DLGAP1: variants seen among roughly 807,000 people sequenced by gnomAD.
DLGAP1 encodes the protein disks large-associated protein 1.
A neutral mutation model predicts 90.8 loss-of-function variants in DLGAP1; 11 were observed. That is an observed-to-expected ratio of 0.12 (90% CI 0.08 to 0.20). The LOEUF (loss-of-function observed/expected upper bound fraction) is 0.20, where lower values mean the gene tolerates loss of function less well. Among genes scored for constraint, DLGAP1 ranks in the 10% least tolerant of loss-of-function variants. The pLI is 1.00. For missense variants in DLGAP1, 1,050 were observed against 1,333.8 expected (o/e 0.79, Z 3.31); for synonymous variants, 558 against 540.7 (o/e 1.03, Z -0.44).
At chr18:3,921,877 C>T (rs1009240136) in intron 3 of DLGAP1, among the ~76,000 whole-genome samples, 1 of 152,060 alleles carries the variant, frequency 6.6e-6, no homozygotes, top group Non-Finnish European at 1.5e-5. Flanking sequence ...GGCTGTGAGA[C>T]CCAGCAGGAG....
intron 5 of DLGAP1, among the ~76,000 whole-genome samples, chr18:3,799,680 G>A (rs747481365): frequency 9.9e-5 from 15 of 152,090 alleles, no homozygotes; most frequent in Non-Finnish European, 2.1e-4. Flanking sequence ...TGGTTGCTAT[G>A]GGCAACCACT....
At chr18:4,209,537 C>T (rs1468837505) in intron 1 of DLGAP1, among the ~76,000 whole-genome samples, 1 of 152,128 alleles carries the variant, frequency 6.6e-6, no homozygotes, top group Non-Finnish European at 1.5e-5. Context: ...GAGGTATATA[C>T]TCTCCTGTTT....
At chr18:4,039,796 C>A (rs1486631733) in intron 2 of DLGAP1, among the ~76,000 whole-genome samples, 1 of 152,116 alleles carries the variant, frequency 6.6e-6, no homozygotes, top group Non-Finnish European at 1.5e-5. Context: ...ATATTTTTAA[C>A]CCCCATGCTA....
chr18:4,325,010 G>A (rs185462025), intron 1 of DLGAP1, among the ~76,000 whole-genome samples: 106 of 152,186 alleles, frequency 7.0e-4, no homozygotes, highest in African/African-American at 2.0e-3. Context: ...TGGAAGTCCC[G>A]ACAAGCACAG....
intron 5 of DLGAP1, among the ~76,000 whole-genome samples, chr18:3,765,281 C>T (rs573454076): frequency 1.3e-4 from 19 of 151,004 alleles, no homozygotes; most frequent in Non-Finnish European, 2.1e-4. Flanking sequence ...CAGGCGCCCG[C>T]CACCACGCCT....
intron 7 of DLGAP1, chr18:3,655,898 C>T (rs1385644452): frequency 3.5e-6 from 2 of 575,602 alleles, no homozygotes; most frequent in East Asian, 3.0e-5. Flanking sequence ...GCAAATGCCA[C>T]TTGAGGAGGG....
At chr18:3,772,006 A>G (rs2148016489) in intron 5 of DLGAP1, among the ~76,000 whole-genome samples, 1 of 152,390 alleles carries the variant, frequency 6.6e-6, no homozygotes, top group South Asian at 2.1e-4. Context: ...CAAATTTAAA[A>G]TACAATAGAA....
At chr18:3,538,503 C>T (rs1214015584) in intron 9 of DLGAP1, among the ~76,000 whole-genome samples, 1 of 152,112 alleles carries the variant, frequency 6.6e-6, no homozygotes, top group Non-Finnish European at 1.5e-5. Flanking sequence ...TTCCAACAAC[C>T]ACTCATTTCT....
At chr18:3,842,924 T>C (rs2148643946) in intron 4 of DLGAP1, among the ~76,000 whole-genome samples, 1 of 152,332 alleles carries the variant, frequency 6.6e-6, no homozygotes, top group Non-Finnish European at 1.5e-5. Flanking sequence ...CTCATCTTTG[T>C]TCCTCGCCCA....
intron 1 of DLGAP1, among the ~76,000 whole-genome samples, chr18:4,438,011 T>C (rs2083444884): frequency 6.6e-6 from 1 of 152,146 alleles, no homozygotes; most frequent in South Asian, 2.1e-4. Flanking sequence ...GAAACAGAAT[T>C]AACATAGAAA....
chr18:3,899,805 G>A (rs971899715), intron 3 of DLGAP1, among the ~76,000 whole-genome samples: 3 of 152,142 alleles, frequency 2.0e-5, no homozygotes, highest in Non-Finnish European at 2.9e-5. Context: ...AAAAATCAGC[G>A]CTATAAATTG....
intron 1 of DLGAP1, among the ~76,000 whole-genome samples, chr18:4,186,109 G>T (rs962177355): frequency 6.6e-6 from 1 of 151,890 alleles, no homozygotes; most frequent in African/African-American, 2.4e-5. Context: ...CCTGTCACTT[G>T]CCCACTTTTT....
chr18:4,453,626 G>A (rs940643951), intron 1 of DLGAP1, among the ~76,000 whole-genome samples: 1 of 152,146 alleles, frequency 6.6e-6, no homozygotes, highest in African/African-American at 2.4e-5. Context: ...CTAGTTCTCA[G>A]CATTTCTCAT....
chr18:4,175,615 C>T (rs2144619283), intron 1 of DLGAP1, among the ~76,000 whole-genome samples: 1 of 152,170 alleles, frequency 6.6e-6, no homozygotes, highest in South Asian at 2.1e-4. Context: ...GGAAGGGGTC[C>T]AGTTTCAGTT....
At chr18:3,617,731 G>A (rs1400393315) in intron 7 of DLGAP1, among the ~76,000 whole-genome samples, 1 of 151,938 alleles carries the variant, frequency 6.6e-6, no homozygotes, top group African/African-American at 2.4e-5. Context: ...CATCTGCAAG[G>A]CCTGATAAAG....
intron 5 of DLGAP1, among the ~76,000 whole-genome samples, chr18:3,811,618 C>T (rs1185004278): frequency 6.6e-6 from 1 of 152,150 alleles, no homozygotes; most frequent in Non-Finnish European, 1.5e-5. Context: ...ACAACTTCAC[C>T]GTCTGAAGGA....
chr18:4,137,208 T>C (rs922372596), intron 2 of DLGAP1, among the ~76,000 whole-genome samples: 4 of 152,228 alleles, frequency 2.6e-5, no homozygotes, highest in Admixed American at 6.5e-5. Context: ...GTTTCATCCA[T>C]GTACCTACAA....
chr18:3,741,278 C>T (rs573586452), intron 6 of DLGAP1, among the ~76,000 whole-genome samples: 1 of 117,004 alleles, frequency 8.5e-6, no homozygotes, highest in African/African-American at 3.7e-5. Context: ...CACCACATCA[C>T]CATCACCACC....
intron 2 of DLGAP1, among the ~76,000 whole-genome samples, chr18:4,124,223 A>G (rs965878524): frequency 1.3e-5 from 2 of 152,188 alleles, no homozygotes; most frequent in South Asian, 2.1e-4. Context: ...GCTTTCTCCT[A>G]TGAATCTATG....
Sources: allele counts gnomAD v4.1 joint callset (sites outside exome capture counted in the v4.1 genomes callset), GRCh38; gene constraint gnomAD v4.1.1; transcripts MANE v1.5; gene names NCBI Gene and HGNC (gene_info 2026-07-23, HGNC 2026-07-21).